The following FAF1 variants were observed in gnomAD, a reference collection of about 807,000 sequenced individuals.
The protein encoded by FAF1 is FAS-associated factor 1.
A neutral mutation model predicts 92.5 loss-of-function variants in FAF1; 25 were observed. That is an observed-to-expected ratio of 0.27 (90% CI 0.20 to 0.38). The LOEUF (loss-of-function observed/expected upper bound fraction) is 0.38, where lower values mean the gene tolerates loss of function less well. FAF1 is among the 10% of genes least tolerant of loss of function. The pLI, the probability that FAF1 is intolerant of heterozygous loss-of-function variation, is 1.00. For synonymous variants in FAF1, 234 were observed against 273.2 expected (o/e 0.86, Z 1.42); for missense variants, 636 against 793.3 (o/e 0.80, Z 2.38).
At chr1:50,881,277 A>G (rs1367546312) in intron 1 of FAF1, among the ~76,000 whole-genome samples, 1 of 152,174 alleles carries the variant, frequency 6.6e-6, no homozygotes, top group Non-Finnish European at 1.5e-5. Context: ...GGTGGTTGTG[A>G]TGTAGGTGGC....
chr1:50,754,851 A>T (rs912635865), intron 4 of FAF1, among the ~76,000 whole-genome samples: 2 of 152,164 alleles, frequency 1.3e-5, no homozygotes, highest in Non-Finnish European at 2.9e-5. Context: ...GGCAGCAAGC[A>T]GAGAGAGGTT....
At chr1:50,524,199 T>C (rs1247372917) in intron 15 of FAF1, among the ~76,000 whole-genome samples, 2 of 152,242 alleles carry the variant, frequency 1.3e-5, no homozygotes, top group African/African-American at 2.4e-5. Flanking sequence ...TGTCTTCTTT[T>C]GAAAAGTGTC....
At chr1:50,450,385 A>G (rs1266915665) in intron 18 of FAF1, among the ~76,000 whole-genome samples, 3 of 152,174 alleles carry the variant, frequency 2.0e-5, no homozygotes, top group African/African-American at 7.2e-5. Context: ...CATAGCTAGG[A>G]AAGAGAAGGC....
intron 6 of FAF1, among the ~76,000 whole-genome samples, chr1:50,717,458 T>C (rs1557491099): frequency 6.6e-6 from 1 of 152,174 alleles, no homozygotes; most frequent in African/African-American, 2.4e-5. Flanking sequence ...CTTGGACTTT[T>C]GACATTCACA....
At chr1:50,671,185 A>T (rs1655857526) in intron 7 of FAF1, among the ~76,000 whole-genome samples, 1 of 152,144 alleles carries the variant, frequency 6.6e-6, no homozygotes, top group South Asian at 2.1e-4. Flanking sequence ...CAGGCAGATC[A>T]CTGGAGGTCA....
intron 2 of FAF1, among the ~76,000 whole-genome samples, chr1:50,804,987 A>G (rs1308472191): frequency 6.6e-6 from 1 of 152,228 alleles, no homozygotes; most frequent in Non-Finnish European, 1.5e-5. Context: ...TAAAAATTAT[A>G]CTGAGTTTAT....
chr1:50,917,589 AAAAG>A (rs1292917752), intron 1 of FAF1, among the ~76,000 whole-genome samples: 4 of 151,268 alleles, frequency 2.6e-5, no homozygotes, highest in Non-Finnish European at 2.9e-5. Context: ...AAAGGAAAGG[AAAAG>A]AAAGGAAAAA....
intron 4 of FAF1, among the ~76,000 whole-genome samples, chr1:50,746,683 C>G (rs1171340454): frequency 6.6e-6 from 1 of 152,004 alleles, no homozygotes; most frequent in East Asian, 1.9e-4. Context: ...AAAGAAAAGC[C>G]AATTTTCAGG....
chr1:50,862,049 T>C (rs1644439274), intron 1 of FAF1, among the ~76,000 whole-genome samples: 1 of 149,930 alleles, frequency 6.7e-6, no homozygotes, highest in Non-Finnish European at 1.5e-5. Flanking sequence ...AAAACAAAGT[T>C]ACAAAAATAG....
chr1:50,573,208 C>G (rs1650533460), intron 12 of FAF1, among the ~76,000 whole-genome samples: 1 of 151,866 alleles, frequency 6.6e-6, no homozygotes, highest in Non-Finnish European at 1.5e-5. Flanking sequence ...AAGTGATTCT[C>G]CTGCCTCAGC....
chr1:50,837,422 C>A (rs1219133588), intron 2 of FAF1, among the ~76,000 whole-genome samples: 8 of 152,110 alleles, frequency 5.3e-5, no homozygotes, highest in Non-Finnish European at 1.2e-4. Flanking sequence ...TATAGAATAA[C>A]CTCCAATTTC....
At chr1:50,505,645 T>C (rs1004521015) in intron 15 of FAF1, among the ~76,000 whole-genome samples, 1 of 152,234 alleles carries the variant, frequency 6.6e-6, no homozygotes, top group Non-Finnish European at 1.5e-5. Context: ...TAAAACTTTA[T>C]TGAAACATGG....
intron 1 of FAF1, among the ~76,000 whole-genome samples, chr1:50,929,094 G>GAAAAAA (rs1645029356): frequency 6.2e-5 from 1 of 16,124 alleles, no homozygotes. Flanking sequence ...AAAAAAGAAA[G>GAAAAAA]AAAAGAAAAA....
intron 18 of FAF1, among the ~76,000 whole-genome samples, chr1:50,447,652 A>G (rs1342184430): frequency 6.6e-6 from 1 of 152,178 alleles, no homozygotes; most frequent in Non-Finnish European, 1.5e-5. Flanking sequence ...AAAATCTGTA[A>G]GTCTCTTTGA....
intron 1 of FAF1, among the ~76,000 whole-genome samples, chr1:50,916,135 GAC>G (rs1033162522): frequency 6.6e-6 from 1 of 152,114 alleles, no homozygotes; most frequent in Admixed American, 6.5e-5. Context: ...GCACATGAAA[GAC>G]AGACAAAAAC....
chr1:50,772,343 T>C (rs920011880), intron 4 of FAF1, among the ~76,000 whole-genome samples: 1 of 152,302 alleles, frequency 6.6e-6, no homozygotes, highest in African/African-American at 2.4e-5. Context: ...AATCCCATTA[T>C]TGGGTATATA....
intron 13 of FAF1, among the ~76,000 whole-genome samples, chr1:50,564,506 A>G (rs1457017387): frequency 6.6e-6 from 1 of 152,124 alleles, no homozygotes; most frequent in African/African-American, 2.4e-5. Flanking sequence ...AAATGATGTC[A>G]TAACACCTTT....
chr1:50,668,175 A>T (rs1655715075), intron 7 of FAF1, among the ~76,000 whole-genome samples: 1 of 152,222 alleles, frequency 6.6e-6, no homozygotes, highest in Non-Finnish European at 1.5e-5. Flanking sequence ...CATCAAGTGA[A>T]AATAAACCAT....
At position 50,960,097 on chromosome 1, in the gene FAF1, T is replaced by TA; in HGVS notation, c.-287dup. 2.6e-6 allele frequency: 1 copy of TA among 390,066 alleles called. No individual in the cohort carries two copies. Among genetic ancestry groups the TA allele is most frequent in the Non-Finnish European group, 4.5e-6 (1 of 220,388 alleles). The allele number at this position is 390,066 out of a possible 1,614,324, so 24.2% of individuals were successfully genotyped here. On this transcript the variant is annotated 5_prime_UTR_variant, in exon 1 of 19. Transcript: ENST00000396153. Reference sequence around the variant, plus strand: ...ATTGGTCTGGATGTGGGTCCGGTCTTACAGTCGCGGGCCAGGATGAGGGCA... The same window carrying TA: ...ATTGGTCTGGATGTGGGTCCGGTCTTAACAGTCGCGGGCCAGGATGAGGGCA...
Sources: allele counts gnomAD v4.1 joint callset (sites outside exome capture counted in the v4.1 genomes callset), GRCh38; gene constraint gnomAD v4.1.1; transcripts MANE v1.5; gene names NCBI Gene and HGNC (gene_info 2026-07-23, HGNC 2026-07-21).